DNAJC7: variants seen among roughly 807,000 people sequenced by gnomAD.
DNAJC7 encodes dnaJ homolog subfamily C member 7.
A neutral mutation model predicts 67.4 loss-of-function variants in DNAJC7; 18 were observed. That is an observed-to-expected ratio of 0.27 (90% CI 0.18 to 0.40). The LOEUF (loss-of-function observed/expected upper bound fraction) is 0.40, where lower values mean the gene tolerates loss of function less well. Ranked by LOEUF, DNAJC7 falls within the 10% of genes least tolerant of loss-of-function variation. The pLI is 1.00. For synonymous variants in DNAJC7, 220 were observed against 207.8 expected (o/e 1.06, Z -0.50); for missense variants, 419 against 613.8 (o/e 0.68, Z 3.35).
intron 4 of DNAJC7, among the ~76,000 whole-genome samples, chr17:41,995,850 C>T (rs782198319): frequency 2.0e-5 from 3 of 152,118 alleles, no homozygotes; most frequent in Admixed American, 6.6e-5. Context: ...CTCTGTTGCC[C>T]GGGCTATAGT....
intron 1 of DNAJC7, among the ~76,000 whole-genome samples, chr17:42,008,495 C>T (rs1343230934): frequency 2.0e-5 from 3 of 150,494 alleles, no homozygotes; most frequent in Admixed American, 6.6e-5. Flanking sequence ...TTGCAAGCTC[C>T]GCCTCCTAGG....
intron 9 of DNAJC7, chr17:41,986,202 A>G (rs1555646795): frequency 6.6e-6 from 1 of 151,880 alleles, no homozygotes; most frequent in Non-Finnish European, 1.5e-5. Flanking sequence ...CCCATCTCCA[A>G]TAAAAATACA....
intron 1 of DNAJC7, among the ~76,000 whole-genome samples, chr17:42,005,578 T>C (rs1424010773): frequency 6.6e-6 from 1 of 152,208 alleles, no homozygotes; most frequent in Non-Finnish European, 1.5e-5. Flanking sequence ...TATTTGCAGA[T>C]TATTAAAACA....
intron 5 of DNAJC7, among the ~76,000 whole-genome samples, chr17:41,993,874 T>A (rs1278276944): frequency 1.2e-4 from 17 of 139,046 alleles, no homozygotes; most frequent in Non-Finnish European, 1.5e-4. Context: ...CCGTCTCTAC[T>A]AAAAAAAAAA....
At position 41,997,101 on chromosome 17, in the gene DNAJC7, C is replaced by G. The variant is rs2051681610; in HGVS notation, c.291+14G>C. 2 of 1,613,842 alleles carry G rather than the reference C, an allele frequency of 1.2e-6. No individual in the cohort carries two copies. The highest frequency in any genetic ancestry group is 2.2e-5 in the South Asian group (2 of 91,070). On this transcript the variant is annotated intron_variant, in intron 3 of 13. Transcript: ENST00000457167. ...CAACCCAGCCTTCCCCAAACAGCCC[C>G]ATTACATACATACCCGGACAAAACT... is the stretch of plus-strand genomic sequence containing the variant.
chr17:41,995,256 T>C (rs955929426), intron 4 of DNAJC7, among the ~76,000 whole-genome samples: 10 of 152,158 alleles, frequency 6.6e-5, no homozygotes, highest in South Asian at 4.1e-4. Flanking sequence ...ACAAATCAAA[T>C]TGATGAAGAT....
At chr17:42,014,116 G>A (rs1389828359) in intron 1 of DNAJC7, 1 of 151,820 alleles carries the variant, frequency 6.6e-6, no homozygotes, top group Non-Finnish European at 1.5e-5. Context: ...ATTCTTCTAA[G>A]GATGTCTGAT....
chr17:41,992,454 A>G lies in DNAJC7; in HGVS notation c.481-2072T>C, dbSNP rs567708407. On this transcript the variant is annotated intron_variant, in intron 5 of 13. Transcript: ENST00000457167. ...CTCCCAAAGTGCTGGGATTACAGCC[A>G]TGAGCCACCGCACTCGGCATGTCCT... is the stretch of plus-strand genomic sequence containing the variant. Among the ~76,000 whole-genome samples the G allele has an allele frequency of 5.3e-5, 8 of 152,258 alleles. No homozygotes were observed. The South Asian group carries it at 1.0e-3, about 20-fold the overall frequency.
chr17:41,980,687 C>T (rs1234157629), intron 12 of DNAJC7, among the ~76,000 whole-genome samples: 3 of 152,112 alleles, frequency 2.0e-5, no homozygotes, highest in South Asian at 2.1e-4. Context: ...CGTAAGCCAC[C>T]GCGCCCAGCT....
rs782522447 is a variant in DNAJC7 at position 41,987,888 on chromosome 17, A to T, written c.941T>A (p.Ile314Lys). Residue 314 changes from isoleucine to lysine, a missense_variant, in exon 9 of 14, where the codon ATA (isoleucine) becomes AAA (lysine). Transcript: ENST00000457167. ...CTTCACTGCATTTGTGCAGTCTTCT[A>T]TTGCATCATCTAGTTTCCTAAGCTT... ...NSKLRKLDDAIEDCTNAVKLD... is the reference protein window; with the variant it reads ...NSKLRKLDDAKEDCTNAVKLD... 6.2e-7 allele frequency: 1 copy of T among 1,611,778 alleles called. No homozygotes were observed. Among genetic ancestry groups the T allele is most frequent in the Admixed American group, 1.7e-5 (1 of 59,868 alleles).
intron 2 of DNAJC7, among the ~76,000 whole-genome samples, chr17:41,999,011 C>T (rs2051734474): frequency 6.6e-6 from 1 of 151,670 alleles, no homozygotes; most frequent in Non-Finnish European, 1.5e-5. Context: ...CATGGTAAGA[C>T]CCTGTCTCTA....
intron 1 of DNAJC7, 28 bp downstream of exon 1, chr17:42,017,312 C>T (rs782629272): frequency 3.7e-6 from 6 of 1,610,720 alleles, no homozygotes; most frequent in Admixed American, 3.3e-5. Context: ...TGCAGGTCGC[C>T]TCCTCTACTA....
At chr17:41,995,082 T>C (rs1049928220) in intron 4 of DNAJC7, 138 bp from the exon 5 acceptor site, 2 of 761,382 alleles carry the variant, frequency 2.6e-6, no homozygotes, top group South Asian at 3.2e-5. Flanking sequence ...TAGGGTCGAA[T>C]GCATACCTCC....
intron 1 of DNAJC7, among the ~76,000 whole-genome samples, chr17:42,001,946 A>C (rs74647883): frequency 0.067 from 10,174 of 152,220 alleles, 452 homozygotes; most frequent in African/African-American, 0.13. Flanking sequence ...TGTGATGGAT[A>C]TAAATCTGCT....
In DNAJC7 at chr17:41,982,000, A is replaced by G. The variant is rs1359099291; in HGVS notation, c.1239T>C (p.His413=). 2 of 1,613,804 alleles carry G rather than the reference A, an allele frequency of 1.2e-6. No individual in the cohort carries two copies. Among genetic ancestry groups the G allele is most frequent in the African/African-American group, 1.3e-5 (1 of 74,936 alleles). Residue 413 remains histidine, a synonymous_variant, in exon 12 of 14, where the codon CAT becomes CAC. Coordinates refer to ENST00000457167, the MANE Select transcript of DNAJC7 (RefSeq NM_003315.4). ...KRALMHHPDR[H]SGASAEVQKE... ...TCTGAACCTCAGCACTGGCTCCACT[A>G]TGCCGATCTAAAGTGGGGAGTAAAA...
At chr17:42,007,419 T>C (rs1182031164) in intron 1 of DNAJC7, among the ~76,000 whole-genome samples, 2 of 152,148 alleles carry the variant, frequency 1.3e-5, no homozygotes, top group Non-Finnish European at 2.9e-5. Context: ...CTGTTTCATG[T>C]TGCACTCTCC....
At position 41,997,625 on chromosome 17, in the gene DNAJC7, C is replaced by T. The variant is rs72820851; in HGVS notation, c.167-386G>A. On this transcript the variant is annotated intron_variant, in intron 2 of 13. Transcript: ENST00000457167. ...AAACAAACAAACAAATAAACAAAAA[C>T]TTAGAGGGCATCTCCCTCCAAACAA... Among the ~76,000 whole-genome samples the T allele has an allele frequency of 4.6e-3, 701 of 152,060 alleles. 3 individuals carry two copies. The highest frequency in any genetic ancestry group is 8.3e-3 in the Non-Finnish European group (567 of 67,938).
intron 13 of DNAJC7, chr17:41,976,974 TTATC>T (rs2143070841): frequency 3.0e-6 from 2 of 662,406 alleles, no homozygotes; most frequent in Admixed American, 3.0e-5. Context: ...GACCTCAGCA[TTATC>T]TATATAGTAC....
chr17:42,011,011 C>T (rs1555650975), intron 1 of DNAJC7: 3 of 152,178 alleles, frequency 2.0e-5, no homozygotes, highest in Non-Finnish European at 2.9e-5. Context: ...GATAACTGCA[C>T]TTTGAATTTT....
Sources: allele counts gnomAD v4.1 joint callset (sites outside exome capture counted in the v4.1 genomes callset), GRCh38; gene constraint gnomAD v4.1.1; transcripts MANE v1.5; gene names NCBI Gene and HGNC (gene_info 2026-07-23, HGNC 2026-07-21).